Variants in NMNAT3 observed in about 807,000 individuals in gnomAD.
NMNAT3 encodes the protein nicotinamide/nicotinic acid mononucleotide adenylyltransferase 3.
NMNAT3 carries 21 observed loss-of-function variants against 24.8 expected under a neutral mutation model. The observed-to-expected ratio is 0.85, with a 90% confidence interval of 0.60 to 1.22. NMNAT3 has a LOEUF of 1.22. NMNAT3 is among the 50% of genes most tolerant of loss of function. NMNAT3 has a pLI of 0.00. For synonymous variants in NMNAT3, 136 were observed against 155.2 expected (o/e 0.88, Z 0.92); for missense variants, 387 against 436.6 (o/e 0.89, Z 1.01).
intron 3 of NMNAT3, among the ~76,000 whole-genome samples, chr3:139,603,443 A>G (rs1036125178): frequency 6.6e-6 from 1 of 152,206 alleles, no homozygotes; most frequent in African/African-American, 2.4e-5. Flanking sequence ...ATTTTCTCCA[A>G]TATCAACTTC....
intron 3 of NMNAT3, among the ~76,000 whole-genome samples, chr3:139,615,463 C>CTAT (rs71146192): frequency 0.26 from 37,937 of 144,972 alleles, 5,506 homozygotes; most frequent in East Asian, 0.5. Context: ...ATCTATCTAT[C>CTAT]CATCCACCCA....
chr3:139,675,052 C>A (rs1044128565), intron 1 of NMNAT3, among the ~76,000 whole-genome samples: 9 of 151,590 alleles, frequency 5.9e-5, no homozygotes, highest in African/African-American at 2.2e-4. Flanking sequence ...CACTAAGCTG[C>A]GACATACATG....
chr3:139,612,478 A>G (rs1420275793), intron 3 of NMNAT3, among the ~76,000 whole-genome samples: 1 of 152,152 alleles, frequency 6.6e-6, no homozygotes, highest in Non-Finnish European at 1.5e-5. Context: ...CTGCAGGCAA[A>G]TGGAGTTGTA....
chr3:139,660,998 G>A (rs1321518065), intron 1 of NMNAT3, among the ~76,000 whole-genome samples: 6 of 152,116 alleles, frequency 3.9e-5, no homozygotes, highest in Non-Finnish European at 7.4e-5. Flanking sequence ...AAAACACCAT[G>A]GTCCTTTTTT....
rs542005148 is a variant in NMNAT3 at position 139,597,564 on chromosome 3, C to T, written c.110-14356G>A. Among the ~76,000 whole-genome samples the T allele has an allele frequency of 3.6e-4, 55 of 152,226 alleles. 1 individual carries two copies. The South Asian group carries it at 8.1e-3, about 22-fold the overall frequency. ...TTATATTGTTAAACACTAGCTGTAA[C>T]GCCACAATATCCTTATTCAATTTTC... On this transcript the variant is annotated intron_variant, in intron 3 of 6. Transcript: ENST00000643695.
intron 1 of NMNAT3, among the ~76,000 whole-genome samples, chr3:139,650,709 G>A (rs925855426): frequency 6.6e-6 from 1 of 152,172 alleles, no homozygotes; most frequent in African/African-American, 2.4e-5. Context: ...GGCCTAATGA[G>A]ATTGACACTC....
chr3:139,655,061 A>G (rs558232857), intron 1 of NMNAT3, among the ~76,000 whole-genome samples: 1 of 152,314 alleles, frequency 6.6e-6, no homozygotes, highest in Admixed American at 6.5e-5. Flanking sequence ...AGATGTTTTG[A>G]GTTTTGAAGG....
At chr3:139,622,773 T>C (rs2055847679) in intron 3 of NMNAT3, among the ~76,000 whole-genome samples, 1 of 142,418 alleles carries the variant, frequency 7.0e-6, no homozygotes, top group South Asian at 2.1e-4. Flanking sequence ...ATATATATCA[T>C]ATATATGATA....
Position 139,627,690 on chromosome 3 carries a change from C to T in NMNAT3, c.35G>A (p.Cys12Tyr). 1 of 1,596,472 alleles carries T rather than the reference C, an allele frequency of 6.3e-7. No individual in the cohort carries two copies. The highest frequency in any genetic ancestry group is 8.5e-7 in the Non-Finnish European group (1 of 1,178,724). The change falls in exon 3 of 7, where the codon TGT (cysteine) becomes TAT (tyrosine). Residue 12 changes from cysteine to tyrosine, a missense_variant. Cys to Tyr is a radical substitution (Grantham distance 194). Around this residue, in one of 3 missense-constraint regions of NMNAT3, gnomAD observed 51 missense variants for 55.6 expected, o/e 0.92. Coordinates refer to ENST00000643695, the MANE Select transcript of NMNAT3 (RefSeq NM_001320510.2). The stretch of plus-strand genomic sequence containing the variant: ...GTTGGTGATGGGGTTAAAGGAGCCA[C>T]AGGCCAGGAGCACCACAGGTATTCG...
intron 1 of NMNAT3, among the ~76,000 whole-genome samples, chr3:139,651,503 G>A (rs1252666352): frequency 1.3e-5 from 2 of 152,222 alleles, no homozygotes. Context: ...ACTAAGAGAA[G>A]AGAAGCTATG....
At chr3:139,575,764 TTGACCCTGGGGG>T in intron 5 of NMNAT3, 1 of 1,131,190 alleles carries the variant, frequency 8.8e-7, no homozygotes, top group Admixed American at 4.3e-5. Flanking sequence ...GGCCTGTGGA[TTGACCCTGGGGG>T]CATGTTCTTG....
intron 3 of NMNAT3, chr3:139,599,274 A>G: frequency 1.4e-6 from 1 of 701,548 alleles, no homozygotes; most frequent in South Asian, 1.5e-5. Context: ...GTAGCACAGA[A>G]TGATTACTAA....
intron 1 of NMNAT3, among the ~76,000 whole-genome samples, chr3:139,642,870 GAA>G: frequency 3.9e-5 from 6 of 152,110 alleles, no homozygotes; most frequent in African/African-American, 7.2e-5. Flanking sequence ...TAAAAAACCT[GAA>G]TGTACCCTGC....
At chr3:139,588,300 C>T (rs796346603) in intron 3 of NMNAT3, among the ~76,000 whole-genome samples, 7 of 152,252 alleles carry the variant, frequency 4.6e-5, no homozygotes, top group African/African-American at 7.2e-5. Flanking sequence ...CTTGTCTTTT[C>T]GTTCTGGGTA....
chr3:139,593,038 A>C (rs1009492233), intron 3 of NMNAT3, among the ~76,000 whole-genome samples: 10 of 152,250 alleles, frequency 6.6e-5, no homozygotes, highest in Non-Finnish European at 1.2e-4. Context: ...TTGGATAAAG[A>C]GTCAAGACCC....
chr3:139,660,902 T>C (rs981548844), intron 1 of NMNAT3, among the ~76,000 whole-genome samples: 2 of 152,166 alleles, frequency 1.3e-5, no homozygotes, highest in Non-Finnish European at 2.9e-5. Context: ...CCAAAAAGAT[T>C]AGAATTTGCT....
At chr3:139,614,020 G>A (rs969027292) in intron 3 of NMNAT3, among the ~76,000 whole-genome samples, 1 of 151,990 alleles carries the variant, frequency 6.6e-6, no homozygotes, top group Non-Finnish European at 1.5e-5. Flanking sequence ...ATAGCATTAG[G>A]AGATATACCT....
chr3:139,591,059 G>A (rs9874428), intron 3 of NMNAT3, among the ~76,000 whole-genome samples: 20,937 of 151,798 alleles, frequency 0.14, 1,886 homozygotes, highest in Non-Finnish European at 0.21. Context: ...CTGAGGTACC[G>A]GGTTCATCTC....
intron 3 of NMNAT3, among the ~76,000 whole-genome samples, chr3:139,584,867 T>C (rs1349404757): frequency 6.6e-6 from 1 of 152,242 alleles, no homozygotes; most frequent in Non-Finnish European, 1.5e-5. Context: ...CTGATTTTTT[T>C]GTCTGCCTCT....
Sources: gnomAD v4.1 joint callset for allele counts (sites outside exome capture counted in the v4.1 genomes callset) on GRCh38, gnomAD v4.1.1 for gene constraint, gnomAD v4.1.1 regional missense constraint, MANE v1.5 for transcripts, NCBI Gene and HGNC (gene_info 2026-07-23, HGNC 2026-07-21) for gene names.